ZNF469: variants seen among roughly 807,000 people sequenced by gnomAD.
ZNF469 encodes the protein zinc finger protein 469.
A neutral mutation model predicts 1.0 loss-of-function variants in ZNF469; 1 was observed. That is an observed-to-expected ratio of 1.00 (90% CI 0.35 to 4.73). The LOEUF is 4.73. ZNF469 is among the 30% of genes most tolerant of loss of function. The pLI is 0.16. For missense variants in ZNF469, 6,100 were observed against 5,356.3 expected, an observed-to-expected ratio of 1.14 and a Z score of -4.33; for synonymous variants, 2,703 against 2,363.4, an observed-to-expected ratio of 1.14 and a Z score of -4.17.
At chr16:88,247,556 GTGAC>G in the ZNF469 span, among the ~76,000 whole-genome samples, 14 of 129,080 alleles carry the variant, frequency 1.1e-4, no homozygotes, top group Non-Finnish European at 1.6e-4. Flanking sequence ...GAATGAATGA[GTGAC>G]TGAGTGAGTG....
rs1906595696 is a variant in ZNF469, at chr16:88,436,592, T to G, written c.9122T>G (p.Leu3041Arg). The G allele has an allele frequency of 6.5e-7, 1 of 1,550,066 alleles. No homozygotes were observed. Among genetic ancestry groups the G allele is most frequent in the Non-Finnish European group, 8.7e-7 (1 of 1,146,954 alleles). The part of the protein sequence containing the change: ...GLPGNTHLLP[L>R]RATDFEVLST... ...CCCGGGAACACCCACCTGCTGCCGC[T>G]CCGTGCCACGGACTTTGAGGTGCTC... The change falls in exon 3 of 3, where the codon CTC becomes CGC. Residue 3041 changes from leucine (L) to arginine (R), a missense_variant. Physicochemically the swap from Leu to Arg is moderately radical, Grantham distance 102 (BLOSUM62 -2). Coordinates refer to ENST00000565624, the MANE Select transcript of ZNF469 (RefSeq NM_001367624.2).
chr16:88,314,136 G>C, the ZNF469 span, among the ~76,000 whole-genome samples: 2,341 of 101,294 alleles, frequency 0.023, 27 homozygotes, highest in Non-Finnish European at 0.034. Flanking sequence ...GGCAGTGCTG[G>C]TGTGGACTGT....
the ZNF469 span, among the ~76,000 whole-genome samples, chr16:88,107,300 G>T: frequency 2.0e-5 from 3 of 152,226 alleles, no homozygotes; most frequent in African/African-American, 7.2e-5. Flanking sequence ...GGCTGGGGAG[G>T]CCTCAGGAAA....
chr16:88,408,345 T>C (rs12919437), intron 1 of ZNF469, among the ~76,000 whole-genome samples: 126,661 of 152,108 alleles, frequency 0.83, 53,831 homozygotes, highest in South Asian at 0.96. Context: ...AGAGACGGGG[T>C]TTCGCCATGT....
the ZNF469 span, among the ~76,000 whole-genome samples, chr16:88,336,359 T>C: frequency 6.6e-6 from 1 of 151,394 alleles, no homozygotes; most frequent in Non-Finnish European, 1.5e-5. Flanking sequence ...ATGTTCATCC[T>C]TCACGTGAGA....
chr16:88,132,131 C>A, the ZNF469 span, among the ~76,000 whole-genome samples: 1 of 152,216 alleles, frequency 6.6e-6, no homozygotes. Context: ...TCTGTGGCCC[C>A]GGCCATACCG....
chr16:88,264,155 C>T, the ZNF469 span, among the ~76,000 whole-genome samples: 5 of 152,126 alleles, frequency 3.3e-5, no homozygotes, highest in Middle Eastern at 3.2e-3. Context: ...GCCTCAGGGA[C>T]GGCCCTGCCC....
the ZNF469 span, among the ~76,000 whole-genome samples, chr16:88,219,886 T>A: frequency 6.6e-6 from 1 of 152,054 alleles, no homozygotes; most frequent in Non-Finnish European, 1.5e-5. Context: ...AGCTCAAGGT[T>A]CTCAGCCTCC....
At chr16:88,245,676 C>T in the ZNF469 span, among the ~76,000 whole-genome samples, 1 of 152,272 alleles carries the variant, frequency 6.6e-6, no homozygotes, top group African/African-American at 2.4e-5. Flanking sequence ...TCCCCCTTGC[C>T]TACAGAGCTC....
chr16:88,353,864 G>C, the ZNF469 span, among the ~76,000 whole-genome samples: 34 of 152,178 alleles, frequency 2.2e-4, no homozygotes, highest in Non-Finnish European at 4.9e-4. Flanking sequence ...AAGCTCTCCT[G>C]GAGCTTCCGG....
the ZNF469 span, among the ~76,000 whole-genome samples, chr16:88,174,173 T>C: frequency 6.6e-6 from 1 of 152,122 alleles, no homozygotes; most frequent in African/African-American, 2.4e-5. Context: ...ATGCTAACAC[T>C]AATCAATAGA....
chr16:88,238,434 C>A, the ZNF469 span, among the ~76,000 whole-genome samples: 346 of 152,276 alleles, frequency 2.3e-3, no homozygotes, highest in African/African-American at 8.0e-3. Flanking sequence ...CCTAGGTAGA[C>A]CCTAAATAGA....
At chr16:88,276,868 G>A in the ZNF469 span, among the ~76,000 whole-genome samples, 3 of 151,594 alleles carry the variant, frequency 2.0e-5, no homozygotes, top group East Asian at 5.8e-4. Context: ...GCTGTGCCAC[G>A]CTGACGCTCG....
chr16:88,277,609 G>A, the ZNF469 span, among the ~76,000 whole-genome samples: 4 of 150,340 alleles, frequency 2.7e-5, no homozygotes, highest in Non-Finnish European at 4.4e-5. Flanking sequence ...CTGATGCTCC[G>A]TCAGTACTGT....
At chr16:88,187,524 A>G in the ZNF469 span, among the ~76,000 whole-genome samples, 2 of 152,220 alleles carry the variant, frequency 1.3e-5, no homozygotes, top group African/African-American at 2.4e-5. Context: ...TTGTGGGAAC[A>G]TGGCACCAGC....
At position 88,435,095 on chromosome 16, in the gene ZNF469, C is replaced by T. The variant is rs1906475953; in HGVS notation, c.7625C>T (p.Ser2542Leu). Residue 2542 changes from serine (S) to leucine (L), a missense_variant, in exon 3 of 3, where the codon TCA becomes TTA. Ser to Leu is a moderately radical substitution (Grantham distance 145). Coordinates refer to ENST00000565624, the MANE Select transcript of ZNF469 (RefSeq NM_001367624.2). ...TCTGGGAAGGAGAGACCAAATCACT[C>T]ACGGGGAGACCCCAGCCACGTCACC... ...RVSGKERPNH[S>L]RGDPSHVTQP... The T allele has an allele frequency of 6.4e-7, 1 of 1,550,394 alleles. No homozygotes were observed. The highest frequency in any genetic ancestry group is 8.7e-7 in the Non-Finnish European group (1 of 1,146,988).
chr16:88,261,594 C>T, the ZNF469 span, among the ~76,000 whole-genome samples: 1 of 152,186 alleles, frequency 6.6e-6, no homozygotes, highest in Non-Finnish European at 1.5e-5. The surrounding 1 kb of genome is among the most constrained non-coding windows in gnomAD (Gnocchi z 6.0). Context: ...TTGTAAAGAG[C>T]TCATTTTGGT....
chr16:88,430,974 C>A lies in ZNF469; in HGVS notation c.3504C>A (p.Ser1168Arg). The change falls in exon 3 of 3, where the codon AGC becomes AGA. Residue 1168 changes from serine (S) to arginine (R), a missense_variant. Physicochemically the swap from Ser to Arg is moderately radical, Grantham distance 110. Coordinates refer to ENST00000565624, the MANE Select transcript of ZNF469 (RefSeq NM_001367624.2). ...PGGSRPGPGR[S>R]PQARGPSRSL... ...GGTCTCGCCCGGGCCCCGGCAGGAG[C>A]CCTCAGGCCCGTGGCCCGTCTCGAA... 1.3e-6 allele frequency: 2 copies of A among 1,538,058 alleles called. No homozygotes were observed. The highest frequency in any genetic ancestry group is 1.7e-6 in the Non-Finnish European group (2 of 1,145,534).
rs1318778758 is a variant in ZNF469, at chr16:88,432,694, A to G, written c.5224A>G (p.Ser1742Gly). The G allele has an allele frequency of 4.5e-6, 7 of 1,550,326 alleles. No individual in the cohort carries two copies. Among genetic ancestry groups the G allele is most frequent in the African/African-American group, 4.1e-5 (3 of 73,060 alleles). The change falls in exon 3 of 3, where the codon AGC (serine) becomes GGC (glycine). Residue 1742 changes from serine (S) to glycine (G), a missense_variant. Ser to Gly is a moderately conservative substitution (Grantham distance 56). Transcript: ENST00000565624. ...QLDAGSLAKC[S>G]PDQELSFPKN... Reference sequence around the variant, plus strand: ...GGATGCCGGGAGTTTAGCAAAGTGCAGCCCCGACCAGGAACTTTCATTTCC... The same window carrying G: ...GGATGCCGGGAGTTTAGCAAAGTGCGGCCCCGACCAGGAACTTTCATTTCC...
Sources: allele counts gnomAD v4.1 joint callset (sites outside exome capture counted in the v4.1 genomes callset), GRCh38; gene constraint gnomAD v4.1.1; non-coding constraint Gnocchi (gnomAD v3.1); transcripts MANE v1.5; gene names NCBI Gene and HGNC (gene_info 2026-07-23, HGNC 2026-07-21).